SLC10A7: variants seen among roughly 807,000 people sequenced by gnomAD.
The protein encoded by SLC10A7 is solute carrier family 10 member 7.
In SLC10A7, 29 loss-of-function variants were observed where a neutral mutation model predicts 43.2. That is an observed-to-expected ratio of 0.67 (90% CI 0.50 to 0.92). The LOEUF is 0.92. Among genes scored for constraint, SLC10A7 ranks in the 40% least tolerant of loss-of-function variants. The probability of loss-of-function intolerance (pLI) is 0.00; values close to 1 mark genes in which losing one functional copy is unlikely to be tolerated. For synonymous variants in SLC10A7, 152 were observed against 144.8 expected (o/e 1.05, Z -0.35); for missense variants, 295 against 403.2 (o/e 0.73, Z 2.30).
intron 5 of SLC10A7, among the ~76,000 whole-genome samples, chr4:146,373,633 T>G (rs1047251537): frequency 1.3e-5 from 2 of 152,120 alleles, no homozygotes; most frequent in Admixed American, 6.6e-5. Flanking sequence ...AATGGTGAAA[T>G]GTACATTATA....
chr4:146,420,364 G>A (rs1728878042), intron 5 of SLC10A7, among the ~76,000 whole-genome samples: 1 of 152,056 alleles, frequency 6.6e-6, no homozygotes, highest in Non-Finnish European at 1.5e-5. Context: ...TGAATTTCCT[G>A]GCCTTTTTAC....
At chr4:146,518,341 G>A (rs1361497786) in intron 1 of SLC10A7, among the ~76,000 whole-genome samples, 1 of 152,112 alleles carries the variant, frequency 6.6e-6, no homozygotes, top group Non-Finnish European at 1.5e-5. Context: ...TGGGGGATAG[G>A]ATGTGCTACT....
chr4:146,305,530 G>T (rs1391229411), intron 7 of SLC10A7, among the ~76,000 whole-genome samples: 4 of 148,540 alleles, frequency 2.7e-5, no homozygotes, highest in Non-Finnish European at 4.5e-5. Flanking sequence ...CATATGTAAC[G>T]AACCTGCACA....
intron 5 of SLC10A7, among the ~76,000 whole-genome samples, chr4:146,438,054 GTTA>G (rs1304113955): frequency 2.0e-5 from 3 of 151,992 alleles, no homozygotes; most frequent in African/African-American, 7.2e-5. Flanking sequence ...CATGTCACAA[GTTA>G]TTATTATTAA....
At position 146,356,045 on chromosome 4, in the gene SLC10A7, A is replaced by ATAT. The variant is rs1321358515; in HGVS notation, c.436-30050_436-30049insATA. On this transcript the variant is annotated intron_variant, in intron 5 of 11. Coordinates refer to ENST00000335472, the MANE Select transcript of SLC10A7 (RefSeq NM_001029998.6). ...CCTAAAACTTAAAGTATAATAAAAA[A>ATAT]AAAAAAATATATATATATATATACA... is the stretch of plus-strand genomic sequence containing the variant. Among the ~76,000 whole-genome samples the ATAT allele has an allele frequency of 5.6e-5, 7 of 123,918 alleles. No individual in the cohort carries two copies. In the South Asian group the frequency reaches 7.7e-4, roughly 14 times the overall value. 81.3% of individuals were successfully genotyped at this position (123,918 alleles called of 152,430 possible).
intron 4 of SLC10A7, among the ~76,000 whole-genome samples, chr4:146,492,266 A>T (rs1211066235): frequency 6.6e-6 from 1 of 152,024 alleles, no homozygotes; most frequent in Non-Finnish European, 1.5e-5. Flanking sequence ...ATGACTTTGT[A>T]ATGCAAGTAA....
At chr4:146,404,829 C>A (rs1739471373) in intron 5 of SLC10A7, among the ~76,000 whole-genome samples, 2 of 152,078 alleles carry the variant, frequency 1.3e-5, no homozygotes, top group African/African-American at 4.8e-5. Flanking sequence ...TGATATTTCA[C>A]TGTAAAAATA....
chr4:146,396,570 C>G (rs1298024555), intron 5 of SLC10A7, among the ~76,000 whole-genome samples: 1 of 151,920 alleles, frequency 6.6e-6, no homozygotes, highest in Non-Finnish European at 1.5e-5. Flanking sequence ...AAGTCAAAAT[C>G]AAATTTAGTT....
intron 5 of SLC10A7, among the ~76,000 whole-genome samples, chr4:146,345,842 G>T (rs1734585263): frequency 6.6e-6 from 1 of 151,926 alleles, no homozygotes; most frequent in Non-Finnish European, 1.5e-5. Flanking sequence ...ATGAATAATA[G>T]GTATTATTTA....
At chr4:146,369,634 C>T (rs957880191) in intron 5 of SLC10A7, among the ~76,000 whole-genome samples, 23 of 152,266 alleles carry the variant, frequency 1.5e-4, no homozygotes, top group African/African-American at 5.1e-4. Flanking sequence ...ACGCTTACTC[C>T]TAAGGCCTGA....
At chr4:146,518,733 T>C (rs1042459333) in intron 1 of SLC10A7, among the ~76,000 whole-genome samples, 1 of 152,004 alleles carries the variant, frequency 6.6e-6, no homozygotes, top group Admixed American at 6.6e-5. Context: ...ACAAGGAAGA[T>C]AGCCATGTGA....
chr4:146,430,586 T>C (rs1323716636), intron 5 of SLC10A7, among the ~76,000 whole-genome samples: 1 of 152,192 alleles, frequency 6.6e-6, no homozygotes, highest in Admixed American at 6.5e-5. Context: ...CAACTACTGT[T>C]ATAAGGTAAA....
chr4:146,318,521 T>C (rs950128746), intron 6 of SLC10A7, among the ~76,000 whole-genome samples: 1 of 152,122 alleles, frequency 6.6e-6, no homozygotes, highest in Non-Finnish European at 1.5e-5. Flanking sequence ...GTGAATCTCT[T>C]ACTATTGCAG....
intron 5 of SLC10A7, among the ~76,000 whole-genome samples, chr4:146,435,082 G>T (rs1185686901): frequency 6.6e-6 from 1 of 152,006 alleles, no homozygotes; most frequent in African/African-American, 2.4e-5. Context: ...GTCCACAAAT[G>T]TTTCATTTTA....
chr4:146,335,921 A>G (rs1048981654), intron 5 of SLC10A7, among the ~76,000 whole-genome samples: 2 of 152,084 alleles, frequency 1.3e-5, no homozygotes, highest in African/African-American at 4.8e-5. Flanking sequence ...TTGAAATGTG[A>G]TCTAAGCGCC....
chr4:146,502,761 T>A (rs1331154714), intron 4 of SLC10A7, among the ~76,000 whole-genome samples: 1 of 152,178 alleles, frequency 6.6e-6, no homozygotes, highest in East Asian at 1.9e-4. Flanking sequence ...AGAAAAGATT[T>A]TAAAAAAGAG....
At position 146,448,630 on chromosome 4, in the gene SLC10A7, T is replaced by C. The variant is rs1271296122; in HGVS notation, c.397-5809A>G. On this transcript the variant is annotated intron_variant, in intron 4 of 11. Coordinates refer to ENST00000335472, the MANE Select transcript of SLC10A7 (RefSeq NM_001029998.6). ...AATAATTTATGGCAAGTTAATGTATTAAACTTCTAGCTTGTGCTTTTGAGT... is the reference window on the plus strand; with the variant it reads ...AATAATTTATGGCAAGTTAATGTATCAAACTTCTAGCTTGTGCTTTTGAGT... Among the ~76,000 whole-genome samples, 3 of 152,238 alleles carry C rather than the reference T, an allele frequency of 2.0e-5. No individual in the cohort carries two copies. The South Asian group carries it at 6.2e-4, about 31-fold the overall frequency.
chr4:146,315,988 T>C (rs1466352571), intron 6 of SLC10A7, among the ~76,000 whole-genome samples: 1 of 152,092 alleles, frequency 6.6e-6, no homozygotes, highest in African/African-American at 2.4e-5. Context: ...GAAGATAAGG[T>C]AATGAATAAG....
chr4:146,396,947 T>C (rs1738873294), intron 5 of SLC10A7, among the ~76,000 whole-genome samples: 2 of 152,158 alleles, frequency 1.3e-5, no homozygotes, highest in African/African-American at 2.4e-5. Context: ...AGTCAAACAC[T>C]CTGTTAACTG....
Sources: allele counts gnomAD v4.1 joint callset (sites outside exome capture counted in the v4.1 genomes callset), GRCh38; gene constraint gnomAD v4.1.1; transcripts MANE v1.5; gene names NCBI Gene and HGNC (gene_info 2026-07-23, HGNC 2026-07-21).